CNOT10: variants seen among roughly 807,000 people sequenced by gnomAD.
CNOT10 encodes the protein CCR4-NOT transcription complex, subunit 10.
In CNOT10, 30 loss-of-function variants were observed where a neutral mutation model predicts 94.6. That is an observed-to-expected ratio of 0.32 (90% CI 0.24 to 0.43). The LOEUF is 0.43. Among genes scored for constraint, CNOT10 ranks in the 20% least tolerant of loss-of-function variants. The pLI, the probability that CNOT10 is intolerant of heterozygous loss-of-function variation, is 1.00. For synonymous variants in CNOT10, 289 were observed against 301.6 expected (o/e 0.96, Z 0.43); for missense variants, 759 against 877.2 (o/e 0.87, Z 1.70).
chr3:32,750,322 C>T (rs1413945485), intron 13 of CNOT10, among the ~76,000 whole-genome samples: 1 of 151,872 alleles, frequency 6.6e-6, no homozygotes, highest in Non-Finnish European at 1.5e-5. Flanking sequence ...TGGTGAAACC[C>T]CATCTCTACT....
intron 2 of CNOT10, 65 bp downstream of exon 2, chr3:32,704,027 A>ACTT: frequency 3.1e-6 from 3 of 982,540 alleles, no homozygotes; most frequent in Non-Finnish European, 4.6e-6. Context: ...ATCTTTTCAT[A>ACTT]GTGAATTTTT....
At chr3:32,709,495 T>G (rs921752944) in intron 4 of CNOT10, among the ~76,000 whole-genome samples, 6 of 152,320 alleles carry the variant, frequency 3.9e-5, no homozygotes, top group Middle Eastern at 3.4e-3. Context: ...AACGCCTGAT[T>G]GCTCATGTGG....
intron 13 of CNOT10, among the ~76,000 whole-genome samples, chr3:32,745,129 T>C (rs1699636818): frequency 6.6e-6 from 1 of 152,186 alleles, no homozygotes; most frequent in Non-Finnish European, 1.5e-5. Flanking sequence ...TCCGCCCATC[T>C]TGGCCTCCCA....
intron 1 of CNOT10, among the ~76,000 whole-genome samples, chr3:32,692,217 G>A (rs931941754): frequency 6.6e-6 from 1 of 152,054 alleles, no homozygotes; most frequent in African/African-American, 2.4e-5. Context: ...CAGAAAGTTA[G>A]CTGGGTGTGG....
chr3:32,690,032 T>G (rs557470497), intron 1 of CNOT10, among the ~76,000 whole-genome samples: 49 of 152,244 alleles, frequency 3.2e-4, no homozygotes, highest in African/African-American at 7.9e-4. Context: ...AAAGTCACAG[T>G]TGTATCAGGA....
intron 13 of CNOT10, among the ~76,000 whole-genome samples, chr3:32,750,218 G>A (rs1367618455): frequency 2.0e-5 from 3 of 152,004 alleles, no homozygotes; most frequent in Non-Finnish European, 2.9e-5. Context: ...GTAAGGCCTG[G>A]GCACAGTGAC....
intron 8 of CNOT10, among the ~76,000 whole-genome samples, chr3:32,722,117 T>A (rs1325304491): frequency 6.6e-6 from 1 of 152,224 alleles, no homozygotes; most frequent in Non-Finnish European, 1.5e-5. Flanking sequence ...GATAAACTAT[T>A]GAAAATGTAT....
chr3:32,692,621 T>C (rs1696897860), intron 1 of CNOT10, among the ~76,000 whole-genome samples: 2 of 152,144 alleles, frequency 1.3e-5, no homozygotes, highest in South Asian at 2.1e-4. Flanking sequence ...TATGGAGTAA[T>C]TGGCATTTCG....
chr3:32,691,207 G>A (rs1255780193), intron 1 of CNOT10, among the ~76,000 whole-genome samples: 1 of 148,516 alleles, frequency 6.7e-6, no homozygotes, highest in Non-Finnish European at 1.5e-5. Flanking sequence ...TGTTGCCCAG[G>A]CTGGAGTGCA....
intron 17 of CNOT10, among the ~76,000 whole-genome samples, chr3:32,766,971 G>A (rs1028692705): frequency 1.3e-5 from 2 of 152,172 alleles, no homozygotes; most frequent in Non-Finnish European, 2.9e-5. Context: ...ACTTACTTCT[G>A]AGCTAAGCCA....
intron 5 of CNOT10, among the ~76,000 whole-genome samples, chr3:32,714,902 A>G (rs1443520355): frequency 6.6e-6 from 1 of 152,154 alleles, no homozygotes; most frequent in Non-Finnish European, 1.5e-5. Context: ...AAACGTTGCC[A>G]ATACCTTTTT....
In CNOT10 at chr3:32,685,496, G is replaced by A; in HGVS notation, c.22+14G>A. 1 of 1,550,248 alleles carries A rather than the reference G, an allele frequency of 6.5e-7. No individual in the cohort carries two copies. Among genetic ancestry groups the A allele is most frequent in the Non-Finnish European group, 8.7e-7 (1 of 1,146,632 alleles). ...ACAAGCCTGCAGGTAGGGCGCCAATGTCCCGAGCGACGAGACGGCGGGACG... is the reference window on the plus strand; with the variant it reads ...ACAAGCCTGCAGGTAGGGCGCCAATATCCCGAGCGACGAGACGGCGGGACG... On this transcript the variant is annotated intron_variant, in intron 1 of 18. Coordinates refer to ENST00000328834, the MANE Select transcript of CNOT10 (RefSeq NM_015442.3).
intron 13 of CNOT10, among the ~76,000 whole-genome samples, chr3:32,754,489 A>AAAAAAATAT (rs77878221): frequency 5.7e-5 from 4 of 70,222 alleles, no homozygotes; most frequent in Admixed American, 2.3e-4. Flanking sequence ...AAAAAAAAAA[A>AAAAAAATAT]ATACATATAT....
At chr3:32,747,594 A>G (rs1303656174) in intron 13 of CNOT10, among the ~76,000 whole-genome samples, 1 of 151,248 alleles carries the variant, frequency 6.6e-6, no homozygotes, top group Non-Finnish European at 1.5e-5. Flanking sequence ...AACTTTCACT[A>G]CACCACACAC....
rs1229525414 is a variant in CNOT10, at chr3:32,716,204, CTT to C, written c.574-19_574-18del. ...GTCAAAAATATTTAATTTTGATAAACTTTGTTTCATCACCCTACAGACTGGTA... is the reference window on the plus strand; with the variant it reads ...GTCAAAAATATTTAATTTTGATAAACTGTTTCATCACCCTACAGACTGGTA... On this transcript the variant is annotated intron_variant, in intron 5 of 18. Coordinates refer to ENST00000328834, the MANE Select transcript of CNOT10 (RefSeq NM_015442.3). 3.0e-6 allele frequency: 4 copies of C among 1,321,030 alleles called. No homozygotes were observed. Among genetic ancestry groups the C allele is most frequent in the Non-Finnish European group, 4.2e-6 (4 of 956,340 alleles). 81.8% of individuals were successfully genotyped at this position (1,321,030 alleles called of 1,614,324 possible).
At chr3:32,766,664 C>T (rs1438354414) in intron 17 of CNOT10, among the ~76,000 whole-genome samples, 1 of 151,686 alleles carries the variant, frequency 6.6e-6, no homozygotes, top group African/African-American at 2.4e-5. Flanking sequence ...ATTATAAATC[C>T]ACCTTTCAGA....
intron 1 of CNOT10, among the ~76,000 whole-genome samples, chr3:32,688,469 C>T (rs1696719487): frequency 6.6e-6 from 1 of 152,004 alleles, no homozygotes; most frequent in Non-Finnish European, 1.5e-5. Flanking sequence ...TGCTGGCGCA[C>T]ACCTGTAATC....
At chr3:32,693,303 A>G (rs1696923678) in intron 1 of CNOT10, among the ~76,000 whole-genome samples, 1 of 151,208 alleles carries the variant, frequency 6.6e-6, no homozygotes, top group South Asian at 2.1e-4. Context: ...CGCAGCCTCG[A>G]CCTCCCGGAT....
At chr3:32,687,464 T>TTTTTTTTTTTTTTTTTTTTTTTTG (rs1559471812) in intron 1 of CNOT10, among the ~76,000 whole-genome samples, 1 of 67,982 alleles carries the variant, frequency 1.5e-5, no homozygotes, top group Non-Finnish European at 2.9e-5. Context: ...TTTTTTTTTT[T>TTTTTTTTTTTTTTTTTTTTTTTTG]TTTTTGAGAC....
Sources: gnomAD v4.1 joint callset for allele counts (sites outside exome capture counted in the v4.1 genomes callset) on GRCh38, gnomAD v4.1.1 for gene constraint, MANE v1.5 for transcripts, NCBI Gene and HGNC (gene_info 2026-07-23, HGNC 2026-07-21) for gene names.